SFMBT2: variants seen among roughly 807,000 people sequenced by gnomAD.
SFMBT2 encodes the protein scm-like with four MBT domains protein 2.
In SFMBT2, 38 loss-of-function variants were observed where a neutral mutation model predicts 110.1. The observed-to-expected ratio is 0.35, with a 90% confidence interval of 0.27 to 0.45. The LOEUF (loss-of-function observed/expected upper bound fraction) is 0.45. Ranked by LOEUF, SFMBT2 falls within the 20% of genes least tolerant of loss-of-function variation. The pLI, the probability that SFMBT2 is intolerant of heterozygous loss-of-function variation, is 1.00. For synonymous variants in SFMBT2, 425 were observed against 425.4 expected (o/e 1.00, Z 0.01); for missense variants, 1,011 against 1,094.9 (o/e 0.92, Z 1.08).
chr10:7,317,785 A>T (rs926153887), intron 4 of SFMBT2, among the ~76,000 whole-genome samples: 1 of 152,234 alleles, frequency 6.6e-6, no homozygotes, highest in African/African-American at 2.4e-5. Context: ...TAACAAAATG[A>T]CATGAAATAT....
intron 13 of SFMBT2, chr10:7,200,946 G>C (rs1838936508): frequency 1.4e-6 from 1 of 695,580 alleles, no homozygotes; most frequent in Non-Finnish European, 1.8e-6. Context: ...CTAAAAATAA[G>C]GCCTTAAAAG....
intron 11 of SFMBT2, among the ~76,000 whole-genome samples, chr10:7,218,173 C>A (rs1564389559): frequency 6.6e-6 from 1 of 152,112 alleles, no homozygotes; most frequent in Non-Finnish European, 1.5e-5. Context: ...AAATAAATGG[C>A]CTATAATCGG....
At position 7,379,286 on chromosome 10, in the gene SFMBT2, G is replaced by A. The variant is rs142824157; in HGVS notation, c.100+2513C>T. ...AAGACTCTGCAACAGCCCCAAACCT[G>A]TCCCAGCTGGTCCCAGAACCAAATA... On this transcript the variant is annotated intron_variant, in intron 2 of 20. Coordinates refer to ENST00000397167, the MANE Select transcript of SFMBT2 (RefSeq NM_001387889.1). 4.1e-3 allele frequency among the ~76,000 whole-genome samples: 617 copies of A among 152,232 alleles called. 2 individuals are homozygous for A. Among genetic ancestry groups the A allele is most frequent in the South Asian group, 0.017 (81 of 4,824 alleles).
intron 7 of SFMBT2, among the ~76,000 whole-genome samples, chr10:7,260,590 C>A (rs981512085): frequency 1.2e-4 from 19 of 152,184 alleles, no homozygotes; most frequent in African/African-American, 3.9e-4. Flanking sequence ...TTATTACTGA[C>A]CCAAATTGGT....
intron 11 of SFMBT2, chr10:7,215,763 C>T: frequency 1.0e-6 from 1 of 982,382 alleles, no homozygotes. Context: ...ACCTGCTTCC[C>T]TCCTCCTTCC....
chr10:7,275,390 G>T (rs906828487), intron 7 of SFMBT2, among the ~76,000 whole-genome samples: 1 of 152,204 alleles, frequency 6.6e-6, no homozygotes, highest in Non-Finnish European at 1.5e-5. Flanking sequence ...TCTGGTGGGG[G>T]TGGCAGAGCT....
intron 4 of SFMBT2, among the ~76,000 whole-genome samples, chr10:7,312,992 A>G (rs1042377101): frequency 1.3e-5 from 2 of 152,238 alleles, no homozygotes; most frequent in Middle Eastern, 3.4e-3. Flanking sequence ...CCTCGGGAGA[A>G]ATAAACTAAA....
At chr10:7,254,168 C>T (rs1413121977) in intron 7 of SFMBT2, among the ~76,000 whole-genome samples, 1 of 152,182 alleles carries the variant, frequency 6.6e-6, no homozygotes, top group Non-Finnish European at 1.5e-5. Flanking sequence ...AGAAAGGCTT[C>T]CATAAATATT....
chr10:7,201,246 G>A (rs930851237), intron 13 of SFMBT2, among the ~76,000 whole-genome samples: 2 of 152,246 alleles, frequency 1.3e-5, no homozygotes, highest in African/African-American at 4.8e-5. Context: ...GACGCTACCT[G>A]TGAACTTGTT....
chr10:7,269,611 C>T (rs1409859647), intron 7 of SFMBT2, among the ~76,000 whole-genome samples: 3 of 152,060 alleles, frequency 2.0e-5, no homozygotes, highest in African/African-American at 7.2e-5. Context: ...AATTCAAACA[C>T]ATATTCCTTT....
intron 17 of SFMBT2, among the ~76,000 whole-genome samples, chr10:7,174,546 G>A (rs962619471): frequency 1.3e-5 from 2 of 152,198 alleles, no homozygotes; most frequent in Non-Finnish European, 2.9e-5. Context: ...AAAGGATCTT[G>A]GGACTTAAGA....
chr10:7,223,554 A>C (rs1326230528), intron 10 of SFMBT2, among the ~76,000 whole-genome samples: 1 of 152,040 alleles, frequency 6.6e-6, no homozygotes, highest in Non-Finnish European at 1.5e-5. Flanking sequence ...TGTTTTTCAG[A>C]CAAAATAATT....
chr10:7,203,000 C>A, intron 12 of SFMBT2: 1 of 985,396 alleles, frequency 1.0e-6, no homozygotes. Flanking sequence ...CTCGCAAATA[C>A]GCCTGGTCAA....
rs572600933 is a variant in SFMBT2 at position 7,176,094 on chromosome 10, C to T, written c.1880G>A (p.Arg627His). The change falls in exon 17 of 21, where the codon CGC (arginine) becomes CAC (histidine). Residue 627 changes from arginine to histidine, a missense_variant. By Grantham distance (29) the Arg-to-His change is conservative. This residue lies in a region of SFMBT2 where 979 missense variants were observed against 1,016.1 expected (regional missense o/e 0.96). Transcript: ENST00000397167. ...RTSDQVANFC[R>H]RVCAKLECCP... ...GCACTCTAGCTTGGCACAGACTCGG[C>T]GGCAGAAATTTGCGACTTGGTCAGA... The T allele has an allele frequency of 2.3e-5, 37 of 1,614,138 alleles. No homozygotes were observed. The highest frequency in any genetic ancestry group is 4.5e-5 in the East Asian group (2 of 44,890).
At chr10:7,197,765 C>T in intron 14 of SFMBT2, 78 bp from the exon 15 acceptor site, 1 of 1,527,788 alleles carries the variant, frequency 6.5e-7, no homozygotes, top group South Asian at 1.3e-5. Flanking sequence ...CTTGCTTCAT[C>T]CACATGGTCA....
At chr10:7,164,981 A>T (rs1030141279) in intron 20 of SFMBT2, among the ~76,000 whole-genome samples, 3 of 152,194 alleles carry the variant, frequency 2.0e-5, no homozygotes. Context: ...AGACCCTTCC[A>T]CTGGACATCT....
At chr10:7,252,963 G>C (rs2131744544) in intron 7 of SFMBT2, among the ~76,000 whole-genome samples, 1 of 152,320 alleles carries the variant, frequency 6.6e-6, no homozygotes, top group South Asian at 2.1e-4. Context: ...AGGGAGGGGA[G>C]AAGAGCTGGA....
At chr10:7,206,540 T>C in intron 11 of SFMBT2, 1 of 985,460 alleles carries the variant, frequency 1.0e-6, no homozygotes, top group Non-Finnish European at 1.2e-6. Context: ...TGAACTCAGT[T>C]TGTGGCCTGT....
rs1383025248 is a variant in SFMBT2 at position 7,301,611 on chromosome 10, C to T, written c.437-15657G>A. On this transcript the variant is annotated intron_variant, in intron 4 of 20. Transcript: ENST00000397167. This position sits in a 1 kb window ranked among gnomAD's most constrained non-coding sequence, Gnocchi z 4.2. The stretch of plus-strand genomic sequence containing the variant: ...ACACCAGCCAGGGGCATCTCCGCTG[C>T]CTCCACAGGACAAACCAGAGACTGC... 6.6e-6 allele frequency among the ~76,000 whole-genome samples: 1 copy of T among 152,176 alleles called. No individual in the cohort carries two copies. Among genetic ancestry groups the T allele is most frequent in the Non-Finnish European group, 1.5e-5 (1 of 68,032 alleles).
Sources: gnomAD v4.1 joint callset for allele counts (sites outside exome capture counted in the v4.1 genomes callset) on GRCh38, gnomAD v4.1.1 for gene constraint, gnomAD v4.1.1 regional missense constraint, Gnocchi (gnomAD v3.1) non-coding constraint, MANE v1.5 for transcripts, NCBI Gene and HGNC (gene_info 2026-07-23, HGNC 2026-07-21) for gene names.